KSR1: variants seen among roughly 807,000 people sequenced by gnomAD.
The protein encoded by KSR1 is kinase suppressor of ras.
In KSR1, 35 loss-of-function variants were observed where a neutral mutation model predicts 92.9. That is an observed-to-expected ratio of 0.38 (90% CI 0.29 to 0.50). The LOEUF is 0.50. Ranked by LOEUF, KSR1 falls within the 20% of genes least tolerant of loss-of-function variation. The pLI is 0.94. For missense variants in KSR1, 972 were observed against 1,158.5 expected, an observed-to-expected ratio of 0.84 and a Z score of 2.34; for synonymous variants, 467 against 472.6, an observed-to-expected ratio of 0.99 and a Z score of 0.15.
chr17:27,457,306 C>T (rs564279833), intron 1 of KSR1, among the ~76,000 whole-genome samples: 1 of 152,336 alleles, frequency 6.6e-6, no homozygotes, highest in African/African-American at 2.4e-5. Flanking sequence ...CCTGCCGTCC[C>T]CTGTTCCCCT....
At chr17:27,555,003 A>G (rs2071537042) in intron 2 of KSR1, among the ~76,000 whole-genome samples, 1 of 152,244 alleles carries the variant, frequency 6.6e-6, no homozygotes, top group African/African-American at 2.4e-5. Flanking sequence ...CTGGTATATT[A>G]CAATGAACGC....
intron 1 of KSR1, among the ~76,000 whole-genome samples, chr17:27,481,503 G>A (rs890837532): frequency 6.6e-6 from 1 of 152,206 alleles, no homozygotes; most frequent in Non-Finnish European, 1.5e-5. Flanking sequence ...TAAGATACAC[G>A]TAGGTACTGT....
chr17:27,592,546 G>A lies in KSR1; in HGVS notation c.1219G>A (p.Val407Ile). 1 of 1,613,952 alleles carries A rather than the reference G, an allele frequency of 6.2e-7. No homozygotes were observed. The highest frequency in any genetic ancestry group is 8.5e-7 in the Non-Finnish European group (1 of 1,179,876). The change falls in exon 9 of 21, where the codon GTC becomes ATC. Residue 407 changes from valine to isoleucine, a missense_variant. By Grantham distance (29) the Val-to-Ile change is conservative (BLOSUM62 3). Coordinates refer to ENST00000644974, the MANE Select transcript of KSR1 (RefSeq NM_001394583.1). ...AACTCGGCTTCGGAGGACAGAATCT[G>A]TCCCCTCGGACATCAACAACCCGGT... ...PLTRLRRTES[V>I]PSDINNPVDR...
intron 1 of KSR1, among the ~76,000 whole-genome samples, chr17:27,501,091 T>C (rs904845627): frequency 6.6e-6 from 1 of 152,188 alleles, no homozygotes; most frequent in African/African-American, 2.4e-5. Context: ...TAATTGCTGA[T>C]GTCTGTCAAG....
chr17:27,593,359 A>T (rs546040689), intron 9 of KSR1, among the ~76,000 whole-genome samples: 80 of 152,346 alleles, frequency 5.3e-4, no homozygotes, highest in African/African-American at 1.8e-3. Flanking sequence ...TGCTGGGTGC[A>T]GGCTTCTGGC....
At chr17:27,537,547 T>G (rs2070794486) in intron 1 of KSR1, among the ~76,000 whole-genome samples, 1 of 152,178 alleles carries the variant, frequency 6.6e-6, no homozygotes, top group African/African-American at 2.4e-5. Flanking sequence ...AAAATTTAGC[T>G]GAGCGTGGTG....
In KSR1 at chr17:27,582,956, G is replaced by A; in HGVS notation, c.831G>A (p.Leu277=). 6.3e-7 allele frequency: 1 copy of A among 1,595,274 alleles called. No homozygotes were observed. Among genetic ancestry groups the A allele is most frequent in the East Asian group, 2.3e-5 (1 of 44,394 alleles). The part of the protein sequence containing the change: ...SFITPPTTPQ[L]RRHTKLKPPR... ...TCACCCCGCCCACCACACCCCAGCT[G>A]CGACGGCACACCAAGCTGAAGCCAC... The change falls in exon 4 of 21, where the codon CTG becomes CTA. Residue 277 remains leucine, a synonymous_variant. Transcript: ENST00000644974.
intron 1 of KSR1, among the ~76,000 whole-genome samples, chr17:27,487,666 G>GTTT (rs145920563): frequency 4.6e-5 from 7 of 150,638 alleles, no homozygotes; most frequent in African/African-American, 1.7e-4. Context: ...AAATTTTATG[G>GTTT]TTTTTTTTTA....
intron 1 of KSR1, chr17:27,526,971 A>C (rs1249538645): frequency 3.5e-6 from 2 of 574,552 alleles, no homozygotes; most frequent in Non-Finnish European, 6.4e-6. Flanking sequence ...ATGGGCCATA[A>C]TTGTTTTAGT....
chr17:27,542,396 C>A (rs566863008), intron 1 of KSR1, among the ~76,000 whole-genome samples: 24 of 152,278 alleles, frequency 1.6e-4, no homozygotes, highest in Non-Finnish European at 2.8e-4. Flanking sequence ...ACCCCCTGCC[C>A]TGCTTCTGAG....
chr17:27,505,435 A>G (rs947663967), intron 1 of KSR1, among the ~76,000 whole-genome samples: 1 of 152,176 alleles, frequency 6.6e-6, no homozygotes, highest in Non-Finnish European at 1.5e-5. Flanking sequence ...TGCAGTCTCC[A>G]CCTGAGCTGG....
At chr17:27,563,190 G>A (rs60409131) in intron 2 of KSR1, among the ~76,000 whole-genome samples, 4,486 of 152,090 alleles carry the variant, frequency 0.029, 118 homozygotes, top group East Asian at 0.1. Flanking sequence ...TTCATTCTTC[G>A]TGAGCTAACA....
intron 9 of KSR1, among the ~76,000 whole-genome samples, chr17:27,593,198 G>A (rs987124627): frequency 5.3e-5 from 8 of 152,228 alleles, no homozygotes; most frequent in African/African-American, 1.9e-4. Context: ...TGAGGCAGAC[G>A]GGTGTCCTCT....
In KSR1 at chr17:27,590,768, C is replaced by T. The variant is rs1317822698; in HGVS notation, c.1047-43C>T. The T allele has an allele frequency of 1.9e-6, 3 of 1,568,732 alleles. No homozygotes were observed. The South Asian group carries it at 3.5e-5, about 18-fold the overall frequency. On this transcript the variant is annotated intron_variant, in intron 6 of 20. Transcript: ENST00000644974. ...AAACCTTCTGTGGCTGGGCCTTGGC[C>T]TCCCAGCTGGTGCAAACATGTGCCT...
chr17:27,610,792 A>T (rs1438883004), intron 17 of KSR1, among the ~76,000 whole-genome samples: 3 of 152,204 alleles, frequency 2.0e-5, no homozygotes, highest in Non-Finnish European at 4.4e-5. Flanking sequence ...AATTAATAAG[A>T]TATTTTATAT....
chr17:27,587,332 C>T (rs1202422212), intron 5 of KSR1: 1 of 152,246 alleles, frequency 6.6e-6, no homozygotes. Context: ...CTCAGTACCT[C>T]CAGCACACCC....
In KSR1 at chr17:27,625,469, G is replaced by A. The variant is rs973240535; in HGVS notation, c.*2077G>A. The A allele has an allele frequency of 1.3e-5, 2 of 152,260 alleles. No individual in the cohort carries two copies. The highest frequency in any genetic ancestry group is 2.4e-5 in the African/African-American group (1 of 41,476). 9.4% of individuals were successfully genotyped at this position (152,260 alleles called of 1,614,324 possible). A position where few individuals can be genotyped will look rare whatever the true frequency, so the allele number is the denominator to read the frequency against. On this transcript the variant is annotated 3_prime_UTR_variant, in exon 21 of 21. Coordinates refer to ENST00000644974, the MANE Select transcript of KSR1 (RefSeq NM_001394583.1). The stretch of plus-strand genomic sequence containing the variant: ...AACAGTCATGGTCCCTGCTCTTAAG[G>A]AACTGATGACCTGGTGGGGCCCTGT...
In KSR1 at chr17:27,563,818, G is replaced by A. The variant is rs968190864; in HGVS notation, c.372+13110G>A. Reference sequence around the variant, plus strand: ...GCTAGTGCCATCTCATCCTCTGACCGGGACTTAGAGGTCAGCTCTTCAGAG... The same window carrying A: ...GCTAGTGCCATCTCATCCTCTGACCAGGACTTAGAGGTCAGCTCTTCAGAG... On this transcript the variant is annotated intron_variant, in intron 2 of 20. Transcript: ENST00000644974. Among the ~76,000 whole-genome samples, 10 of 152,164 alleles carry A rather than the reference G, an allele frequency of 6.6e-5. No homozygotes were observed. The South Asian group carries it at 2.1e-3, about 32-fold the overall frequency.
In KSR1 at chr17:27,469,107, G is replaced by A. The variant is rs538665561; in HGVS notation, c.231+12233G>A. On this transcript the variant is annotated intron_variant, in intron 1 of 20. Coordinates refer to ENST00000644974, the MANE Select transcript of KSR1 (RefSeq NM_001394583.1). Reference sequence around the variant, plus strand: ...GAAGGTGCTATTCTCTGGGAGCCCCGGGCAAACCCTCATTTCTGCGGTTCC... The same window carrying A: ...GAAGGTGCTATTCTCTGGGAGCCCCAGGCAAACCCTCATTTCTGCGGTTCC... Among the ~76,000 whole-genome samples, 4 of 152,226 alleles carry A rather than the reference G, an allele frequency of 2.6e-5. No individual in the cohort carries two copies. In the South Asian group the frequency reaches 6.2e-4, roughly 24 times the overall value.
Sources: allele counts gnomAD v4.1 joint callset (sites outside exome capture counted in the v4.1 genomes callset), GRCh38; gene constraint gnomAD v4.1.1; transcripts MANE v1.5; gene names NCBI Gene and HGNC (gene_info 2026-07-23, HGNC 2026-07-21).